TANGO2: variants seen among roughly 807,000 people sequenced by gnomAD.
TANGO2 encodes the protein transport and Golgi organization protein 2 homolog.
A neutral mutation model predicts 39.1 loss-of-function variants in TANGO2; 26 were observed. The observed-to-expected ratio is 0.67, with a 90% CI of 0.49 to 0.92. TANGO2 has a LOEUF of 0.92. TANGO2 is among the 40% of genes least tolerant of loss of function. The pLI, the probability that TANGO2 is intolerant of heterozygous loss-of-function variation, is 0.00. For missense variants in TANGO2, 326 were observed against 360.1 expected, an observed-to-expected ratio of 0.91 and a Z score of 0.77; for synonymous variants, 131 against 144.5, an observed-to-expected ratio of 0.91 and a Z score of 0.67.
chr22:20,029,406 C>T (rs1204915764), intron 1 of TANGO2, among the ~76,000 whole-genome samples: 5 of 152,196 alleles, frequency 3.3e-5, no homozygotes, highest in African/African-American at 9.7e-5. Context: ...AAGAATAACC[C>T]ATGCCAAGTC....
rs1372731351 is a variant in TANGO2, at chr22:20,065,262, T to C, written c.*600T>C. ...ACAGAACACAGGCGTGCTTGGACTCTTGACAAGCAGACCTGCTCCTGCAGA... is the reference window on the plus strand; with the variant it reads ...ACAGAACACAGGCGTGCTTGGACTCCTGACAAGCAGACCTGCTCCTGCAGA... On this transcript the variant is annotated 3_prime_UTR_variant, in exon 9 of 9. Transcript: ENST00000327374. 1 of 152,300 alleles carries C rather than the reference T, an allele frequency of 6.6e-6. No individual in the cohort carries two copies. The highest frequency in any genetic ancestry group is 1.9e-4 in the East Asian group (1 of 5,192). The allele number at this position is 152,300 out of a possible 1,614,324, so 9.4% of individuals were successfully genotyped here.
At chr22:20,028,718 G>A (rs1428125737) in intron 1 of TANGO2, among the ~76,000 whole-genome samples, 1 of 152,248 alleles carries the variant, frequency 6.6e-6, no homozygotes, top group Non-Finnish European at 1.5e-5. Context: ...CCTCAGAAGG[G>A]GAGGCTGGCA....
intron 1 of TANGO2, among the ~76,000 whole-genome samples, chr22:20,025,135 G>C (rs1249485197): frequency 6.7e-6 from 1 of 149,738 alleles, no homozygotes; most frequent in African/African-American, 2.4e-5. Flanking sequence ...GAATACCGGA[G>C]GCAGAGGTTG....
intron 1 of TANGO2, among the ~76,000 whole-genome samples, chr22:20,029,411 C>T (rs1443435066): frequency 2.6e-5 from 4 of 152,206 alleles, no homozygotes; most frequent in Non-Finnish European, 5.9e-5. Flanking sequence ...TAACCCATGC[C>T]AAGTCCAGGC....
rs1295106622 is a variant in TANGO2, at chr22:20,057,333, C to G, written c.451+1320C>G. Among the ~76,000 whole-genome samples the G allele has an allele frequency of 6.6e-6, 1 of 152,192 alleles. No homozygotes were observed. Among genetic ancestry groups the G allele is most frequent in the Admixed American group, 6.5e-5 (1 of 15,278 alleles). On this transcript the variant is annotated intron_variant, in intron 6 of 8. Coordinates refer to ENST00000327374, the MANE Select transcript of TANGO2 (RefSeq NM_152906.7). The surrounding 1 kb of genome is among the most constrained non-coding windows in gnomAD (Gnocchi z 4.1). ...TTTCATCCACAGATAGGCCCAGCCC[C>G]CATTTGCTAGGGTGGTGCCCAGACC...
At position 20,024,300 on chromosome 22, in the gene TANGO2, G is replaced by GCAT. The variant is rs1264722563; in HGVS notation, c.-40+3055_-40+3057dup. On this transcript the variant is annotated intron_variant, in intron 1 of 8. Transcript: ENST00000327374. ...TGCTGCGGAGATAGGAGGGAGCAGG[G>GCAT]CATTGCAGTGGACTGGAGACTCAGA... 6.6e-5 allele frequency among the ~76,000 whole-genome samples: 10 copies of GCAT among 152,248 alleles called. No homozygotes were observed. In the East Asian group the frequency reaches 1.7e-3, roughly 26 times the overall value.
chr22:20,063,316 A>G, intron 7 of TANGO2, 22 bp from the exon 8 acceptor site: 1 of 1,609,946 alleles, frequency 6.2e-7, no homozygotes, highest in African/African-American at 1.3e-5. Context: ...ACTAATGGCC[A>G]CCACTTCTCT....
chr22:20,054,136 C>A, intron 5 of TANGO2: 1 of 255,402 alleles, frequency 3.9e-6, no homozygotes, highest in South Asian at 4.0e-5. Context: ...AGGGCAGGTC[C>A]ATGGGCCTCT....
In TANGO2 at chr22:20,039,314, GTCACCCTA is replaced by G. The variant is rs772466489; in HGVS notation, c.56+2463_56+2470del. 3.6e-4 allele frequency among the ~76,000 whole-genome samples: 55 copies of G among 151,940 alleles called. No individual in the cohort carries two copies. In the Middle Eastern group the frequency reaches 0.01, roughly 28 times the overall value. On this transcript the variant is annotated intron_variant, in intron 2 of 8. Coordinates refer to ENST00000327374, the MANE Select transcript of TANGO2 (RefSeq NM_152906.7). Reference sequence around the variant, plus strand: ...CAAGATAACACAATCACTTCATGATGTCACCCTATCTCTTTCAAAACTGCCTGTTTACA... The same window carrying G: ...CAAGATAACACAATCACTTCATGATGTCTCTTTCAAAACTGCCTGTTTACA...
chr22:20,036,448 C>A (rs1328727747), intron 1 of TANGO2, among the ~76,000 whole-genome samples: 1 of 152,188 alleles, frequency 6.6e-6, no homozygotes, highest in East Asian at 1.9e-4. Flanking sequence ...TTCTGCTGCC[C>A]CCCGGGGACC....
intron 3 of TANGO2, among the ~76,000 whole-genome samples, chr22:20,050,109 G>A (rs961157432): frequency 2.6e-5 from 4 of 151,962 alleles, no homozygotes; most frequent in African/African-American, 9.7e-5. Flanking sequence ...TACTTGGGAG[G>A]CTGAGGCAGG....
At chr22:20,061,252 T>G in intron 6 of TANGO2, 1 of 322,028 alleles carries the variant, frequency 3.1e-6, no homozygotes. Flanking sequence ...AGGTTGCTCA[T>G]TTCTTATTCA....
chr22:20,053,868 A>G, intron 5 of TANGO2: 1 of 405,912 alleles, frequency 2.5e-6, no homozygotes, highest in East Asian at 6.8e-5. Context: ...TGTGCAGAGC[A>G]GCCCTCCGCA....
Position 20,055,867 on chromosome 22 carries a change from G to A in TANGO2, c.381-76G>A, listed in dbSNP as rs904949333. 5.3e-6 allele frequency: 7 copies of A among 1,309,226 alleles called. No homozygotes were observed. The African/African-American group carries it at 7.2e-5, about 14-fold the overall frequency. The allele number at this position is 1,309,226 out of a possible 1,614,324, so 81.1% of individuals were successfully genotyped here. ...CACATCGCTAGCCTCCAGAAACAGGGCTGTGAGATCACCGGGCAGTGTCGG... is the reference window on the plus strand; with the variant it reads ...CACATCGCTAGCCTCCAGAAACAGGACTGTGAGATCACCGGGCAGTGTCGG... On this transcript the variant is annotated intron_variant, in intron 5 of 8. Transcript: ENST00000327374.
intron 1 of TANGO2, among the ~76,000 whole-genome samples, chr22:20,032,550 A>T (rs887205): frequency 6.6e-6 from 1 of 152,110 alleles, no homozygotes; most frequent in Non-Finnish European, 1.5e-5. Flanking sequence ...CCAACCCTGC[A>T]TGGCTTTGAC....
Position 20,064,916 on chromosome 22 carries a change from T to C in TANGO2, c.*254T>C. The C allele has an allele frequency of 2.1e-6, 1 of 484,108 alleles. No individual in the cohort carries two copies. The highest frequency in any genetic ancestry group is 2.6e-5 in the South Asian group (1 of 38,050). 30.0% of individuals were successfully genotyped at this position (484,108 alleles called of 1,614,324 possible). ...CCGGCCGAGGTATACCATGAACATG[T>C]GGATACACCTGAGCCCACTCTTGCA... On this transcript the variant is annotated 3_prime_UTR_variant, in exon 9 of 9. Transcript: ENST00000327374.
Position 20,056,031 on chromosome 22 carries a change from G to C in TANGO2, c.451+18G>C. 2 of 1,606,336 alleles carry C rather than the reference G, an allele frequency of 1.2e-6. No individual in the cohort carries two copies. Among genetic ancestry groups the C allele is most frequent in the Non-Finnish European group, 1.7e-6 (2 of 1,172,922 alleles). On this transcript the variant is annotated intron_variant, in intron 6 of 8. Transcript: ENST00000327374. ...GACGCCAGGTGAGCCTGCCCTGGCA[G>C]CCTGATGGGGTGGGGGACTGTTTCT...
Position 20,061,530 on chromosome 22 carries a change from G to C in TANGO2, c.452G>C (p.Gly151Ala). 1 of 1,601,244 alleles carries C rather than the reference G, an allele frequency of 6.2e-7. No homozygotes were observed. Among genetic ancestry groups the C allele is most frequent in the Non-Finnish European group, 8.5e-7 (1 of 1,174,332 alleles). Residue 151 changes from glycine to alanine, a missense_variant and splice_region_variant, in exon 7 of 9, where the codon GGC becomes GCC. Gly to Ala is a moderately conservative substitution (Grantham distance 60, BLOSUM62 0). Coordinates refer to ENST00000327374, the MANE Select transcript of TANGO2 (RefSeq NM_152906.7). The part of the protein sequence containing the change: ...GEPDPIVLTP[G>A]TYGLSNALLE... ...ATGGCCCGCTGATTGCTCCTCACAG[G>C]CACCTACGGGCTGAGCAACGCGCTG...
intron 6 of TANGO2, chr22:20,056,885 C>T (rs760680550): frequency 4.6e-5 from 21 of 456,528 alleles, no homozygotes; most frequent in Middle Eastern, 3.2e-4. Context: ...CTTAAACGCC[C>T]GCTCTGGTCC....
Sources: gnomAD v4.1 joint callset for allele counts (sites outside exome capture counted in the v4.1 genomes callset) on GRCh38, gnomAD v4.1.1 for gene constraint, Gnocchi (gnomAD v3.1) non-coding constraint, MANE v1.5 for transcripts, NCBI Gene and HGNC (gene_info 2026-07-23, HGNC 2026-07-21) for gene names.